Variants in ENOX1 observed in about 807,000 individuals in gnomAD.
ENOX1 encodes ecto-NOX disulfide-thiol exchanger 1, also known as candidate growth-related and time keeping constitutive hydroquinone (NADH) oxidase.
A neutral mutation model predicts 82.5 loss-of-function variants in ENOX1; 42 were observed. The ratio of observed to expected loss-of-function variants is 0.51; its 90% CI spans 0.40 to 0.66. The LOEUF (loss-of-function observed/expected upper bound fraction) is 0.66, where lower values mean the gene tolerates loss of function less well. ENOX1 is among the 30% of genes least tolerant of loss of function. The probability of loss-of-function intolerance (pLI) is 0.00; values close to 1 mark genes in which losing one functional copy is unlikely to be tolerated. For synonymous variants in ENOX1, 271 were observed against 282.2 expected (o/e 0.96, Z 0.40); for missense variants, 608 against 811.6 (o/e 0.75, Z 3.05).
At chr13:43,245,185 T>C (rs1370936340) in intron 14 of ENOX1, among the ~76,000 whole-genome samples, 1 of 152,166 alleles carries the variant, frequency 6.6e-6, no homozygotes, top group Admixed American at 6.5e-5. Context: ...ACATGATGAT[T>C]TGGACATAGA....
intron 3 of ENOX1, among the ~76,000 whole-genome samples, chr13:43,420,019 G>A (rs1212941673): frequency 6.6e-6 from 1 of 152,132 alleles, no homozygotes; most frequent in East Asian, 1.9e-4. Context: ...TATGGTATCA[G>A]CAAATTTCTT....
chr13:43,606,064 A>G (rs541477661), intron 2 of ENOX1, among the ~76,000 whole-genome samples: 1 of 152,280 alleles, frequency 6.6e-6, no homozygotes, highest in African/African-American at 2.4e-5. Context: ...AAGATTCTCA[A>G]TATCATTGAC....
At chr13:43,370,877 A>C (rs148982662) in intron 5 of ENOX1, among the ~76,000 whole-genome samples, 225 of 151,464 alleles carry the variant, frequency 1.5e-3, no homozygotes, top group African/African-American at 5.3e-3. Context: ...TTGTCCCCAC[A>C]AACTGTAGCT....
At chr13:43,408,490 A>G (rs1214986116) in intron 5 of ENOX1, among the ~76,000 whole-genome samples, 2 of 152,222 alleles carry the variant, frequency 1.3e-5, no homozygotes, top group Non-Finnish European at 2.9e-5. Flanking sequence ...GGAAGGTTAC[A>G]CTAAATAATC....
chr13:43,272,506 T>G (rs1355492663), intron 12 of ENOX1, among the ~76,000 whole-genome samples: 1 of 152,204 alleles, frequency 6.6e-6, no homozygotes, highest in Non-Finnish European at 1.5e-5. Context: ...GCTTTCTAAT[T>G]GTTGCCAGTT....
intron 2 of ENOX1, among the ~76,000 whole-genome samples, chr13:43,634,617 T>C (rs1015801945): frequency 6.6e-6 from 1 of 152,154 alleles, no homozygotes; most frequent in African/African-American, 2.4e-5. Flanking sequence ...TGGCTAATGA[T>C]AGTTATTCTC....
In ENOX1 at chr13:43,616,677, C is replaced by A. The variant is rs190752245; in HGVS notation, c.-219+50802G>T. On this transcript the variant is annotated intron_variant, in intron 2 of 16. Transcript: ENST00000690772. ...TATGGTTCATATCTTACTCTTCTTT[C>A]CATGTTATCATTTAACATGATTAAA... Among the ~76,000 whole-genome samples, 77 of 152,194 alleles carry A rather than the reference C, an allele frequency of 5.1e-4. 1 individual carries two copies. Among genetic ancestry groups the A allele is most frequent in the African/African-American group, 1.7e-3 (69 of 41,528 alleles).
At chr13:43,662,446 A>G (rs2084781623) in intron 2 of ENOX1, among the ~76,000 whole-genome samples, 1 of 152,200 alleles carries the variant, frequency 6.6e-6, no homozygotes, top group Non-Finnish European at 1.5e-5. Flanking sequence ...ACAATCACAC[A>G]TGCTGAATGG....
intron 1 of ENOX1, among the ~76,000 whole-genome samples, chr13:43,745,416 C>T (rs911199685): frequency 6.6e-6 from 1 of 152,010 alleles, no homozygotes; most frequent in Non-Finnish European, 1.5e-5. Context: ...GAAGGGAATA[C>T]AGAGAAATCA....
chr13:43,411,441 C>T (rs1363019381), intron 5 of ENOX1, among the ~76,000 whole-genome samples: 1 of 152,212 alleles, frequency 6.6e-6, no homozygotes, highest in Non-Finnish European at 1.5e-5. Context: ...AATTTAGTGT[C>T]AGCTGAGCTG....
At chr13:43,426,103 G>C (rs1183874888) in intron 3 of ENOX1, among the ~76,000 whole-genome samples, 3 of 152,162 alleles carry the variant, frequency 2.0e-5, no homozygotes, top group Non-Finnish European at 4.4e-5. Flanking sequence ...TCTCCTTCCT[G>C]CCTACTGTGT....
intron 16 of ENOX1, among the ~76,000 whole-genome samples, chr13:43,219,084 C>T (rs931327964): frequency 2.0e-5 from 3 of 152,174 alleles, no homozygotes; most frequent in African/African-American, 7.2e-5. Context: ...ATCTCCTGCA[C>T]GATTTTCTTC....
intron 2 of ENOX1, among the ~76,000 whole-genome samples, chr13:43,666,343 T>C (rs1699226952): frequency 2.0e-5 from 3 of 152,328 alleles, no homozygotes; most frequent in South Asian, 4.1e-4. Flanking sequence ...AAATCTCTCA[T>C]ACATATGAAT....
At chr13:43,627,202 A>G (rs945127371) in intron 2 of ENOX1, among the ~76,000 whole-genome samples, 1 of 151,968 alleles carries the variant, frequency 6.6e-6, no homozygotes, top group Non-Finnish European at 1.5e-5. Context: ...TAGATAGCAT[A>G]CAGTTGGTTC....
intron 14 of ENOX1, among the ~76,000 whole-genome samples, chr13:43,238,250 A>T (rs1168998713): frequency 1.3e-5 from 2 of 152,336 alleles, no homozygotes; most frequent in East Asian, 3.9e-4. Flanking sequence ...AATCAAAAAC[A>T]GGATCTTGGG....
At chr13:43,355,371 C>G (rs2050080353) in intron 8 of ENOX1, among the ~76,000 whole-genome samples, 1 of 152,180 alleles carries the variant, frequency 6.6e-6, no homozygotes, top group African/African-American at 2.4e-5. Flanking sequence ...GCATGTGTCC[C>G]TTCAACTGCA....
At chr13:43,767,828 G>A (rs1951367144) in intron 1 of ENOX1, among the ~76,000 whole-genome samples, 2 of 152,192 alleles carry the variant, frequency 1.3e-5, no homozygotes, top group South Asian at 4.1e-4. Context: ...GGAGCCTGAG[G>A]GGAGCAATAC....
intron 2 of ENOX1, among the ~76,000 whole-genome samples, chr13:43,541,847 C>G (rs2078743617): frequency 6.6e-6 from 1 of 152,106 alleles, no homozygotes; most frequent in South Asian, 2.1e-4. Flanking sequence ...AAGTTCTGAG[C>G]TCTCTCCAAA....
At chr13:43,347,332 T>C (rs2049454822) in intron 8 of ENOX1, among the ~76,000 whole-genome samples, 1 of 152,204 alleles carries the variant, frequency 6.6e-6, no homozygotes, top group Non-Finnish European at 1.5e-5. Flanking sequence ...TAACAAGTAC[T>C]AGGAAGCAGA....
Sources: allele counts gnomAD v4.1 joint callset (sites outside exome capture counted in the v4.1 genomes callset), GRCh38; gene constraint gnomAD v4.1.1; transcripts MANE v1.5; gene names NCBI Gene and HGNC (gene_info 2026-07-23, HGNC 2026-07-21).